SHISA6: variants seen among roughly 807,000 people sequenced by gnomAD.
SHISA6 encodes protein shisa-6.
In SHISA6, 22 loss-of-function variants were observed where a neutral mutation model predicts 47.9. The observed-to-expected ratio is 0.46, with a 90% confidence interval of 0.33 to 0.66. The LOEUF (loss-of-function observed/expected upper bound fraction) is 0.66. SHISA6 is among the 30% of genes least tolerant of loss of function. The probability of loss-of-function intolerance (pLI) is 0.02; values close to 1 mark genes in which losing one functional copy is unlikely to be tolerated. For missense variants in SHISA6, 680 were observed against 764.6 expected (o/e 0.89, Z 1.30); for synonymous variants, 388 against 337.8 (o/e 1.15, Z -1.63).
chr17:11,278,633 C>G (rs1909013502), intron 2 of SHISA6, among the ~76,000 whole-genome samples: 1 of 152,238 alleles, frequency 6.6e-6, no homozygotes, highest in Admixed American at 6.5e-5. Context: ...CAGGAGCAGC[C>G]TCTCCCAGAT....
rs145887848 is a variant in SHISA6, at chr17:11,483,031, G to A, written c.896-68865G>A. 5.9e-3 allele frequency among the ~76,000 whole-genome samples: 900 copies of A among 152,232 alleles called. 9 individuals carry two copies. Among genetic ancestry groups the A allele is most frequent in the Non-Finnish European group, 0.01 (713 of 68,004 alleles). ...AAAAGCAGAAAACCGGCCAGGCACG[G>A]TGGTTCATGCCTGTAATTCTAGCAC... On this transcript the variant is annotated intron_variant, in intron 3 of 5. Transcript: ENST00000441885.
chr17:11,473,901 A>C (rs970836363), intron 3 of SHISA6, among the ~76,000 whole-genome samples: 2 of 151,916 alleles, frequency 1.3e-5, no homozygotes, highest in African/African-American at 4.8e-5. Context: ...AATGCTCTCC[A>C]TCCCCTTGCC....
At chr17:11,247,996 G>T (rs1282490612) in intron 1 of SHISA6, among the ~76,000 whole-genome samples, 1 of 152,032 alleles carries the variant, frequency 6.6e-6, no homozygotes, top group Non-Finnish European at 1.5e-5. Flanking sequence ...GAATGGTCTC[G>T]ATCTCCTGAC....
chr17:11,332,809 A>G (rs1472796565), intron 2 of SHISA6, among the ~76,000 whole-genome samples: 1 of 152,140 alleles, frequency 6.6e-6, no homozygotes, highest in Non-Finnish European at 1.5e-5. Context: ...CCAATAAATT[A>G]GTGGGGGGTT....
At chr17:11,341,381 A>G (rs11868075) in intron 2 of SHISA6, among the ~76,000 whole-genome samples, 15,407 of 126,082 alleles carry the variant, frequency 0.12, 858 homozygotes, top group Middle Eastern at 0.19. Flanking sequence ...GTTGTCCAGG[A>G]TGGAGTGCAG....
chr17:11,361,785 G>A (rs1912296321), intron 2 of SHISA6, among the ~76,000 whole-genome samples: 1 of 152,178 alleles, frequency 6.6e-6, no homozygotes, highest in South Asian at 2.1e-4. Context: ...CACTGTGCTC[G>A]CTGCAGGGTG....
At chr17:11,313,376 TCAA>T (rs1238190040) in intron 2 of SHISA6, among the ~76,000 whole-genome samples, 1 of 152,190 alleles carries the variant, frequency 6.6e-6, no homozygotes, top group Non-Finnish European at 1.5e-5. Flanking sequence ...TTTTTTAAAT[TCAA>T]CAACATTTTG....
At chr17:11,288,150 C>G (rs1288596387) in intron 2 of SHISA6, 1 of 152,186 alleles carries the variant, frequency 6.6e-6, no homozygotes, top group East Asian at 1.9e-4. Flanking sequence ...AAAAATCCAT[C>G]CACAATGCCA....
intron 3 of SHISA6, among the ~76,000 whole-genome samples, chr17:11,484,139 TCC>T (rs1372938827): frequency 6.6e-6 from 1 of 152,192 alleles, no homozygotes; most frequent in African/African-American, 2.4e-5. Flanking sequence ...CAATGAATTA[TCC>T]CTTCATCTCA....
At chr17:11,379,239 A>G (rs986760001) in intron 2 of SHISA6, among the ~76,000 whole-genome samples, 175 bp from the exon 3 acceptor site, 87 of 148,424 alleles carry the variant, frequency 5.9e-4, no homozygotes, top group African/African-American at 1.9e-3. Flanking sequence ...TATTTTTCAT[A>G]TATAATATAT....
chr17:11,416,640 CAT>C (rs1914290917), intron 3 of SHISA6, among the ~76,000 whole-genome samples: 1 of 152,054 alleles, frequency 6.6e-6, no homozygotes, highest in Admixed American at 6.5e-5. Context: ...ATAAATAAAA[CAT>C]AATTTATGCG....
intron 2 of SHISA6, among the ~76,000 whole-genome samples, chr17:11,359,470 C>T (rs1326784116): frequency 6.6e-6 from 1 of 152,086 alleles, no homozygotes; most frequent in African/African-American, 2.4e-5. Flanking sequence ...AAGCTATGTC[C>T]CTCTCTGGCC....
chr17:11,472,218 G>A lies in SHISA6; in HGVS notation c.896-79678G>A, dbSNP rs370534392. Among the ~76,000 whole-genome samples the A allele has an allele frequency of 2.0e-4, 31 of 152,006 alleles. No homozygotes were observed. The South Asian group carries it at 5.8e-3, about 29-fold the overall frequency. On this transcript the variant is annotated intron_variant, in intron 3 of 5. Coordinates refer to ENST00000441885, the MANE Select transcript of SHISA6 (RefSeq NM_207386.4). ...CTTTTCAGATTGTCTTCTTTTACTTGGTAATATACATTTAAGCTTCTTCCA... is the reference window on the plus strand; with the variant it reads ...CTTTTCAGATTGTCTTCTTTTACTTAGTAATATACATTTAAGCTTCTTCCA...
intron 2 of SHISA6, among the ~76,000 whole-genome samples, chr17:11,324,051 T>C (rs1306681240): frequency 3.3e-5 from 5 of 151,746 alleles, no homozygotes; most frequent in African/African-American, 1.2e-4. Flanking sequence ...CAGCGGTATA[T>C]GCACCCCTAT....
chr17:11,428,324 A>T (rs1353168593), intron 3 of SHISA6, among the ~76,000 whole-genome samples: 11 of 152,240 alleles, frequency 7.2e-5, no homozygotes, highest in African/African-American at 2.4e-4. Flanking sequence ...TCAGTCTTTT[A>T]TAACGGCGAA....
At chr17:11,523,459 A>G (rs2071647497) in intron 3 of SHISA6, among the ~76,000 whole-genome samples, 1 of 152,158 alleles carries the variant, frequency 6.6e-6, no homozygotes, top group Non-Finnish European at 1.5e-5. Flanking sequence ...TATGCCTGAG[A>G]GAGGAGAAAA....
At chr17:11,494,767 G>A (rs948698776) in intron 3 of SHISA6, among the ~76,000 whole-genome samples, 26 of 152,144 alleles carry the variant, frequency 1.7e-4, no homozygotes, top group African/African-American at 5.3e-4. Flanking sequence ...GGGTTAACCC[G>A]GTGACAGTGC....
Position 11,429,860 on chromosome 17 carries a change from GAA to G in SHISA6, c.895+50363_895+50364del, listed in dbSNP as rs35447521. Among the ~76,000 whole-genome samples the G allele has an allele frequency of 4.4e-5, 6 of 136,402 alleles. No individual in the cohort carries two copies. In the East Asian group the frequency reaches 8.6e-4, roughly 20 times the overall value. The allele number at this position is 136,402 out of a possible 152,430, so 89.5% of individuals were successfully genotyped here. ...CAATCAAATATCCCTCATAGGAATT[GAA>G]AAAAAAAAAAACAATAAACTTTAAA... On this transcript the variant is annotated intron_variant, in intron 3 of 5. Transcript: ENST00000441885.
chr17:11,433,435 G>A (rs1204929323), intron 3 of SHISA6, among the ~76,000 whole-genome samples: 7 of 152,264 alleles, frequency 4.6e-5, no homozygotes, highest in Admixed American at 1.3e-4. Context: ...TGGCTGCATA[G>A]TATTCCATGG....
Sources: gnomAD v4.1 joint callset for allele counts (sites outside exome capture counted in the v4.1 genomes callset) on GRCh38, gnomAD v4.1.1 for gene constraint, MANE v1.5 for transcripts, NCBI Gene and HGNC (gene_info 2026-07-23, HGNC 2026-07-21) for gene names.